ZFHX3: variants seen among roughly 807,000 people sequenced by gnomAD.
The protein encoded by ZFHX3 is zinc finger homeobox protein 3.
ZFHX3 carries 42 observed loss-of-function variants against 279.1 expected under a neutral mutation model. The ratio of observed to expected loss-of-function variants is 0.15; its 90% CI spans 0.12 to 0.19. ZFHX3 has a LOEUF of 0.19. Among genes scored for constraint, ZFHX3 ranks in the 10% least tolerant of loss-of-function variants. The probability of loss-of-function intolerance (pLI) is 1.00; values close to 1 mark genes in which losing one functional copy is unlikely to be tolerated. For missense variants in ZFHX3, 4,981 were observed against 4,754.0 expected (o/e 1.05, Z -1.40); for synonymous variants, 2,293 against 1,957.8 (o/e 1.17, Z -4.52).
At chr16:73,057,426 C>T (rs1010097963) in intron 1 of ZFHX3, among the ~76,000 whole-genome samples, 2 of 151,344 alleles carry the variant, frequency 1.3e-5, no homozygotes, top group South Asian at 2.1e-4. Context: ...AAAAGACGGA[C>T]ATTAAAATGC....
chr16:73,169,296 T>G (rs1967465293), intron 5 of ZFHX3, among the ~76,000 whole-genome samples: 1 of 152,208 alleles, frequency 6.6e-6, no homozygotes, highest in Admixed American at 6.5e-5. Context: ...CTCTGAACTT[T>G]TCCTACATTT....
intron 5 of ZFHX3, among the ~76,000 whole-genome samples, chr16:73,158,239 C>T (rs1326874540): frequency 1.3e-5 from 2 of 152,108 alleles, no homozygotes; most frequent in African/African-American, 2.4e-5. Context: ...ATGAGTACCT[C>T]GCTACAGTGT....
At chr16:73,800,570 T>A (rs1960116771) in intron 1 of ZFHX3, among the ~76,000 whole-genome samples, 1 of 152,044 alleles carries the variant, frequency 6.6e-6, no homozygotes, top group Non-Finnish European at 1.5e-5. Context: ...CCTCCTCCTC[T>A]TCCTCTTTCC....
intron 2 of ZFHX3, among the ~76,000 whole-genome samples, chr16:73,526,923 T>A (rs1420837358): frequency 6.6e-6 from 1 of 151,770 alleles, no homozygotes; most frequent in African/African-American, 2.4e-5. Flanking sequence ...TACTATACAG[T>A]CCTCATTTTA....
At chr16:73,712,944 G>C (rs886653471) in intron 1 of ZFHX3, among the ~76,000 whole-genome samples, 17 of 152,180 alleles carry the variant, frequency 1.1e-4, no homozygotes, top group Non-Finnish European at 2.4e-4. Context: ...GCTGTCTGCT[G>C]ATGGGGGCTC....
chr16:72,896,491 A>C (rs976450067), intron 3 of ZFHX3, among the ~76,000 whole-genome samples: 3 of 152,154 alleles, frequency 2.0e-5, no homozygotes, highest in Non-Finnish European at 4.4e-5. Flanking sequence ...AAAGCAAACT[A>C]ATCATTTTAA....
intron 1 of ZFHX3, among the ~76,000 whole-genome samples, chr16:73,751,560 C>T (rs2053762647): frequency 6.6e-6 from 1 of 151,958 alleles, no homozygotes; most frequent in Non-Finnish European, 1.5e-5. Context: ...TATGTACATA[C>T]ATATGTTTAA....
intron 1 of ZFHX3, among the ~76,000 whole-genome samples, chr16:73,784,129 GA>G (rs200234042): frequency 2.0e-5 from 3 of 149,200 alleles, no homozygotes; most frequent in South Asian, 2.1e-4. Flanking sequence ...GCAAAAAAAA[GA>G]AAAAAAAAGG....
At chr16:73,607,134 T>A (rs2054559) in intron 2 of ZFHX3, among the ~76,000 whole-genome samples, 83,962 of 152,144 alleles carry the variant, frequency 0.55, 26,530 homozygotes, top group East Asian at 0.81. Flanking sequence ...GTTCAACTGA[T>A]TCTCCTGCCT....
At chr16:73,438,588 CG>C (rs750166474) in intron 3 of ZFHX3, among the ~76,000 whole-genome samples, 9 of 152,192 alleles carry the variant, frequency 5.9e-5, no homozygotes, top group Non-Finnish European at 8.8e-5. Flanking sequence ...AGTTATATTA[CG>C]CATCTATGCA....
At chr16:73,860,185 C>T (rs1961844063) in intron 1 of ZFHX3, among the ~76,000 whole-genome samples, 1 of 152,152 alleles carries the variant, frequency 6.6e-6, no homozygotes, top group South Asian at 2.1e-4. Context: ...TAAGAAAAAA[C>T]ATTGATAAAT....
chr16:72,996,193 A>G (rs1963283560), intron 1 of ZFHX3, among the ~76,000 whole-genome samples: 1 of 152,176 alleles, frequency 6.6e-6, no homozygotes. Flanking sequence ...CTCAGGCAGA[A>G]GAATCACTTG....
At chr16:73,786,905 T>C (rs1035117184) in intron 1 of ZFHX3, among the ~76,000 whole-genome samples, 1 of 152,214 alleles carries the variant, frequency 6.6e-6, no homozygotes, top group African/African-American at 2.4e-5. Context: ...GAGGTTTTCA[T>C]GTTCCAGCAC....
rs779335872 is a variant in ZFHX3 at position 72,788,160 on chromosome 16, C to A, written c.10116G>T (p.Gln3372His). Residue 3372 changes from glutamine (Q) to histidine (H), a missense_variant, in exon 10 of 10, where the codon CAG becomes CAT. Gln to His is a conservative substitution (Grantham distance 24, BLOSUM62 0). Coordinates refer to ENST00000268489, the MANE Select transcript of ZFHX3 (RefSeq NM_006885.4). Reference protein sequence around the residue: ...QQYQQYQQSLQEAIQQQQQRQ... With the variant: ...QQYQQYQQSLHEAIQQQQQRQ... ...GCTGCTGCTGCTGCTGAATTGCCTC[C>A]TGCAGACTCTGCTGGTATTGCTGGT... 1 of 1,612,376 alleles carries A rather than the reference C, an allele frequency of 6.2e-7. No homozygotes were observed. The highest frequency in any genetic ancestry group is 1.1e-5 in the South Asian group (1 of 90,876).
intron 1 of ZFHX3, among the ~76,000 whole-genome samples, chr16:73,023,157 G>A (rs1437802262): frequency 1.3e-5 from 2 of 152,208 alleles, no homozygotes; most frequent in East Asian, 3.8e-4. Flanking sequence ...AACCTCGGAG[G>A]CAGAGGCTGC....
At chr16:73,056,321 C>T (rs908488669) in intron 1 of ZFHX3, among the ~76,000 whole-genome samples, 2 of 152,084 alleles carry the variant, frequency 1.3e-5, no homozygotes, top group African/African-American at 4.8e-5. Context: ...TTTGACACTG[C>T]GTCAATCTCT....
intron 4 of ZFHX3, among the ~76,000 whole-genome samples, chr16:72,853,878 T>C (rs1179877432): frequency 6.6e-6 from 1 of 150,600 alleles, no homozygotes; most frequent in Non-Finnish European, 1.5e-5. Context: ...CACAGACTAA[T>C]AAAGTGTAGC....
chr16:73,279,574 T>C (rs1384042031), intron 4 of ZFHX3, among the ~76,000 whole-genome samples: 1 of 152,208 alleles, frequency 6.6e-6, no homozygotes, highest in Non-Finnish European at 1.5e-5. Flanking sequence ...TGTCTGTACA[T>C]TTCTCATGTC....
intron 2 of ZFHX3, among the ~76,000 whole-genome samples, chr16:73,549,849 C>T (rs896344528): frequency 1.3e-5 from 2 of 151,336 alleles, no homozygotes; most frequent in African/African-American, 4.9e-5. Context: ...ACGAGCGCTA[C>T]ATTTGATATA....
Sources: allele counts gnomAD v4.1 joint callset (sites outside exome capture counted in the v4.1 genomes callset), GRCh38; gene constraint gnomAD v4.1.1; transcripts MANE v1.5; gene names NCBI Gene and HGNC (gene_info 2026-07-23, HGNC 2026-07-21).